Variants in PTRH1 observed in about 807,000 individuals in gnomAD.
PTRH1 encodes the protein peptidyl-tRNA hydrolase 1 homolog, also known as peptidyl-tRNA hydrolase.
A neutral mutation model predicts 15.7 loss-of-function variants in PTRH1; 13 were observed. The ratio of observed to expected loss-of-function variants is 0.83; its 90% CI spans 0.54 to 1.31. The LOEUF (loss-of-function observed/expected upper bound fraction) is 1.31. Ranked by LOEUF, PTRH1 falls within the 40% of genes most tolerant of loss-of-function variation. The probability of loss-of-function intolerance (pLI) is 0.00; values close to 1 mark genes in which losing one functional copy is unlikely to be tolerated. For synonymous variants in PTRH1, 139 were observed against 136.7 expected, an observed-to-expected ratio of 1.02 and a Z score of -0.12; for missense variants, 319 against 296.2, an observed-to-expected ratio of 1.08 and a Z score of -0.56.
At chr9:127,697,311 G>A (rs1458151312) in intron 1 of PTRH1, among the ~76,000 whole-genome samples, 1 of 152,184 alleles carries the variant, frequency 6.6e-6, no homozygotes, top group Non-Finnish European at 1.5e-5. Flanking sequence ...AGTGATCTGA[G>A]TTACGCTCCT....
intron 1 of PTRH1, among the ~76,000 whole-genome samples, chr9:127,701,124 C>T (rs768656850): frequency 1.3e-5 from 2 of 152,126 alleles, no homozygotes; most frequent in Admixed American, 1.3e-4. Context: ...TTAGCCAACC[C>T]GTTCAGCATA....
downstream of PTRH1, chr9:127,710,526 G>A: frequency 6.6e-7 from 1 of 1,512,688 alleles, no homozygotes; most frequent in African/African-American, 1.4e-5. Flanking sequence ...GACCTAAGGG[G>A]CATCTTTAAG....
rs746565177 is a variant in PTRH1, at chr9:127,714,636, C to G, written c.383G>C (p.Gly128Ala). 4.3e-6 allele frequency: 7 copies of G among 1,614,030 alleles called. No homozygotes were observed. The East Asian group carries it at 1.3e-4, about 31-fold the overall frequency. The change falls in exon 3 of 5, where the codon GGG becomes GCG. Residue 128 changes from glycine (G) to alanine (A), a missense_variant. Physicochemically the swap from Gly to Ala is moderately conservative, Grantham distance 60. Coordinates refer to ENST00000543175, the MANE Select transcript of PTRH1 (RefSeq NM_001002913.3). ...GCCCCCCAGCTTCAGAGCCAGTCTC[C>G]CCAGGGGCTTGTCCAGCTCATCATG... ...LVHDELDKPL[G>A]RLALKLGGSA...
chr9:127,709,792 G>T, downstream of PTRH1: 1 of 1,301,268 alleles, frequency 7.7e-7, no homozygotes, highest in South Asian at 1.4e-5. This position sits in a 1 kb window ranked among gnomAD's most constrained non-coding sequence, Gnocchi z 4.7. Context: ...GCCACATGCT[G>T]CTTGGCACAC....
downstream of PTRH1, among the ~76,000 whole-genome samples, chr9:127,710,141 G>A (rs1324266598): frequency 6.6e-6 from 1 of 152,022 alleles, no homozygotes; most frequent in Non-Finnish European, 1.5e-5. Flanking sequence ...CAGGTGTGGT[G>A]GTGCACATAT....
exon 2 of PTRH1, chr9:127,694,976 C>G (rs779244719): frequency 2.1e-5 from 15 of 702,606 alleles, no homozygotes; most frequent in Non-Finnish European, 3.6e-5. Flanking sequence ...TGACAGGTGA[C>G]TTTGTTCCCT....
chr9:127,712,093 T>C, downstream of PTRH1: 1 of 1,518,606 alleles, frequency 6.6e-7, no homozygotes, highest in Non-Finnish European at 8.9e-7. Flanking sequence ...TGGGGCGGGA[T>C]GGGGGCCCCT....
chr9:127,694,965 C>G lies in PTRH1; in HGVS notation c.382G>C (p.Gly128Arg), dbSNP rs186332283. 350 of 702,630 alleles carry G rather than the reference C, an allele frequency of 5.0e-4. 5 individuals carry two copies. In the Admixed American group the frequency reaches 6.8e-3, roughly 14 times the overall value. The allele number at this position is 702,630 out of a possible 1,614,324, so 43.5% of individuals were successfully genotyped here. ...ACCCTTGGCCTCTTTCCACATGATCCTGACAGGTGACTTTGTTCCCTCCTG... is the reference window on the plus strand; with the variant it reads ...ACCCTTGGCCTCTTTCCACATGATCGTGACAGGTGACTTTGTTCCCTCCTG... Residue 128 changes from glycine (G) to arginine (R), a missense_variant, in exon 2 of 3, where the codon GGA (glycine) becomes CGA (arginine). Coordinates refer to the PTRH1 transcript ENST00000335223.
At chr9:127,709,807 TCTTC>T (rs941439923), downstream of PTRH1, 1 of 1,177,958 alleles carries the variant, frequency 8.5e-7, no homozygotes, top group Non-Finnish European at 1.2e-6. This position sits in a 1 kb window ranked among gnomAD's most constrained non-coding sequence, Gnocchi z 4.7. Flanking sequence ...GCACACACTG[TCTTC>T]CTTAATTGTC....
chr9:127,703,840 C>T (rs1392876686), intron 1 of PTRH1, among the ~76,000 whole-genome samples: 1 of 152,222 alleles, frequency 6.6e-6, no homozygotes, highest in Non-Finnish European at 1.5e-5. Context: ...CAAGCATTCT[C>T]AACCTGCCAC....
intron 1 of PTRH1, among the ~76,000 whole-genome samples, chr9:127,700,288 G>A (rs1372622970): frequency 6.6e-6 from 1 of 152,044 alleles, no homozygotes; most frequent in East Asian, 1.9e-4. Context: ...TAGGCCCTGT[G>A]CTGTCTTTCC....
At chr9:127,711,816 G>T, downstream of PTRH1, 1 of 1,560,198 alleles carries the variant, frequency 6.4e-7, no homozygotes, top group Non-Finnish European at 8.7e-7. Flanking sequence ...GTCCGCACCC[G>T]CAGATCATCC....
downstream of PTRH1, chr9:127,712,045 TC>T: frequency 6.6e-7 from 1 of 1,513,984 alleles, no homozygotes; most frequent in Non-Finnish European, 8.9e-7. Context: ...GCCAGTGACT[TC>T]CCCTCTCTAG....
chr9:127,700,633 C>T (rs1842596377), intron 1 of PTRH1, among the ~76,000 whole-genome samples: 1 of 152,146 alleles, frequency 6.6e-6, no homozygotes, highest in Non-Finnish European at 1.5e-5. Flanking sequence ...TCTTCTATGG[C>T]AATACAGTAT....
Position 127,714,112 on chromosome 9 carries a change from T to G in PTRH1, c.633A>C (p.Ser211=), listed in dbSNP as rs1208296976. Reference sequence around the variant, plus strand: ...ATGGCCACTAGTGTCACGGCCCCAGTGAGGGCCCCTGGCTTCGCTCACGGA... The same window carrying G: ...ATGGCCACTAGTGTCACGGCCCCAGGGAGGGCCCCTGGCTTCGCTCACGGA... The part of the protein sequence containing the change: ...DHIRERSQGP[S]LGP Residue 211 remains serine, a synonymous_variant, in exon 5 of 5, where the codon TCA becomes TCC. Transcript: ENST00000543175. The G allele has an allele frequency of 6.2e-7, 1 of 1,612,966 alleles. No individual in the cohort carries two copies. The highest frequency in any genetic ancestry group is 1.3e-5 in the African/African-American group (1 of 75,020).
intron 1 of PTRH1, among the ~76,000 whole-genome samples, chr9:127,702,629 C>G (rs1437155401): frequency 6.6e-6 from 1 of 152,120 alleles, no homozygotes; most frequent in Non-Finnish European, 1.5e-5. Flanking sequence ...CCATTTGTTG[C>G]GAACTCATCA....
At chr9:127,702,373 C>CA (rs11347672) in intron 1 of PTRH1, among the ~76,000 whole-genome samples, 1,432 of 79,012 alleles carry the variant, frequency 0.018, 18 homozygotes, top group African/African-American at 0.034. Context: ...ATTCCGTCTC[C>CA]AAAAAAAAAA....
chr9:127,708,408 C>T (rs1393753285), intron 1 of PTRH1, among the ~76,000 whole-genome samples: 1 of 152,100 alleles, frequency 6.6e-6, no homozygotes, highest in African/African-American at 2.4e-5. Context: ...ACCTGGGAGG[C>T]AGAGGTTGCA....
Position 127,705,744 on chromosome 9 carries a change from C to T in PTRH1, c.205+9691G>A, listed in dbSNP as rs931677334. Among the ~76,000 whole-genome samples, 2 of 152,238 alleles carry T rather than the reference C, an allele frequency of 1.3e-5. No individual in the cohort carries two copies. Among genetic ancestry groups the T allele is most frequent in the African/African-American group, 2.4e-5 (1 of 41,464 alleles). On this transcript the variant is annotated intron_variant, in intron 1 of 2. Transcript: ENST00000335223. The surrounding 1 kb of genome is among the most constrained non-coding windows in gnomAD (Gnocchi z 4.7). ...CAATGTCCAGCAGGAGCAGGGCCAT[C>T]GCATTGAGCTGGAAGGGCACTGGGC...
Sources: allele counts gnomAD v4.1 joint callset (sites outside exome capture counted in the v4.1 genomes callset), GRCh38; gene constraint gnomAD v4.1.1; non-coding constraint Gnocchi (gnomAD v3.1); transcripts MANE v1.5; gene names NCBI Gene and HGNC (gene_info 2026-07-23, HGNC 2026-07-21).